Variants in ADGRL2 observed in about 807,000 individuals in gnomAD.
ADGRL2 encodes calcium-independent alpha-latrotoxin receptor 2.
Under a neutral mutation model 157.4 loss-of-function variants are expected in ADGRL2, and 44 were observed. The observed-to-expected ratio is 0.28, with a 90% confidence interval of 0.22 to 0.36. The LOEUF (loss-of-function observed/expected upper bound fraction) is 0.36, where lower values mean the gene tolerates loss of function less well. Ranked by LOEUF, ADGRL2 falls within the 10% of genes least tolerant of loss-of-function variation. The probability of loss-of-function intolerance (pLI) is 1.00; values close to 1 mark genes in which losing one functional copy is unlikely to be tolerated. For missense variants in ADGRL2, 1,510 were observed against 1,768.9 expected, an observed-to-expected ratio of 0.85 and a Z score of 2.63; for synonymous variants, 585 against 624.7, an observed-to-expected ratio of 0.94 and a Z score of 0.95.
At chr1:81,502,417 G>A in intron 2 of ADGRL2, 1 of 1,614,088 alleles carries the variant, frequency 6.2e-7, no homozygotes, top group Non-Finnish European at 8.5e-7. Flanking sequence ...TGTATGAACT[G>A]GACGGTGATC....
chr1:81,851,760 G>GTA (rs1221334735), intron 2 of ADGRL2, among the ~76,000 whole-genome samples: 1 of 151,096 alleles, frequency 6.6e-6, no homozygotes, highest in Non-Finnish European at 1.5e-5. Context: ...GTGTGTGTGT[G>GTA]TGTATGTGTA....
exon 2 of ADGRL2, chr1:81,761,827 T>C (rs1050827640): frequency 5.3e-5 from 8 of 152,170 alleles, no homozygotes; most frequent in Non-Finnish European, 7.4e-5. Flanking sequence ...TATGGCACAA[T>C]GAAAAATTTC....
intron 3 of ADGRL2, among the ~76,000 whole-genome samples, chr1:81,909,296 T>C (rs2094656737): frequency 6.6e-6 from 1 of 152,170 alleles, no homozygotes; most frequent in African/African-American, 2.4e-5. Flanking sequence ...TCATCATATA[T>C]CTCTTTCTCA....
intron 2 of ADGRL2, among the ~76,000 whole-genome samples, chr1:81,559,174 C>T (rs2080383106): frequency 6.6e-6 from 1 of 152,090 alleles, no homozygotes; most frequent in African/African-American, 2.4e-5. Flanking sequence ...TCACCATTAG[C>T]CTCTCTGAAC....
At chr1:81,742,651 A>AT (rs200609991) in intron 1 of ADGRL2, among the ~76,000 whole-genome samples, 1,848 of 152,070 alleles carry the variant, frequency 0.012, 13 homozygotes, top group Non-Finnish European at 0.018. Context: ...GAAAAGAGAC[A>AT]TTTTTCCTGT....
At chr1:81,871,199 C>T (rs1378419058) in intron 2 of ADGRL2, among the ~76,000 whole-genome samples, 1 of 150,978 alleles carries the variant, frequency 6.6e-6, no homozygotes, top group African/African-American at 2.4e-5. Context: ...GTTTTCTGTC[C>T]TTGTGACAGT....
chr1:81,718,961 A>C (rs928980428), intron 1 of ADGRL2, among the ~76,000 whole-genome samples: 1 of 152,218 alleles, frequency 6.6e-6, no homozygotes, highest in Non-Finnish European at 1.5e-5. Flanking sequence ...AGAGCATTTG[A>C]ATTTTTGTGA....
At position 81,952,014 on chromosome 1, in the gene ADGRL2, G is replaced by C; in HGVS notation, c.1666G>C (p.Gly556Arg). ...LANELAKHTK[G>R]PVFAGDVSSS... is the part of the protein sequence containing the mutation. ...CAATGAACTGGCTAAACATACCAAA[G>C]GGCCAGTGTTTGCTGGGGATGTAAG... Residue 556 changes from glycine (G) to arginine (R), a missense_variant, in exon 9 of 24, where the codon GGG (glycine) becomes CGG (arginine). By Grantham distance (125) the Gly-to-Arg change is moderately radical (BLOSUM62 -2). This residue lies in a region of ADGRL2 where 325 missense variants were observed against 333.2 expected (regional missense o/e 0.98). Transcript: ENST00000686636. 2 of 1,613,670 alleles carry C rather than the reference G, an allele frequency of 1.2e-6. No individual in the cohort carries two copies. The highest frequency in any genetic ancestry group is 2.2e-5 in the South Asian group (2 of 91,064).
intron 3 of ADGRL2, among the ~76,000 whole-genome samples, chr1:81,657,211 A>T (rs553267590): frequency 6.6e-6 from 1 of 152,060 alleles, no homozygotes; most frequent in Non-Finnish European, 1.5e-5. Context: ...GGGGCTTTGG[A>T]GAGTCAATTA....
In ADGRL2 at chr1:81,952,046, A is replaced by G. The variant is rs1651998469; in HGVS notation, c.1698A>G (p.Ser566=). ...TGTTTGCTGGGGATGTAAGTTCTTCAGTGAGATTGATGGAGCAGTTGGTGG... is the reference window on the plus strand; with the variant it reads ...TGTTTGCTGGGGATGTAAGTTCTTCGGTGAGATTGATGGAGCAGTTGGTGG... ...GPVFAGDVSS[S]VRLMEQLVDI... The change falls in exon 9 of 24, where the codon TCA becomes TCG. Residue 566 remains serine, a synonymous_variant. Coordinates refer to ENST00000686636, the MANE Select transcript of ADGRL2 (RefSeq NM_001366006.2). 3 of 1,613,770 alleles carry G rather than the reference A, an allele frequency of 1.9e-6. No individual in the cohort carries two copies. Among genetic ancestry groups the G allele is most frequent in the Non-Finnish European group, 2.5e-6 (3 of 1,179,716 alleles).
chr1:81,378,280 G>A (rs1012235336), intron 1 of ADGRL2, among the ~76,000 whole-genome samples: 1 of 152,172 alleles, frequency 6.6e-6, no homozygotes. Flanking sequence ...ACCAGGCGTG[G>A]TAGCTCGTGC....
chr1:81,714,165 G>C (rs549848137), intron 1 of ADGRL2, among the ~76,000 whole-genome samples: 2 of 152,190 alleles, frequency 1.3e-5, no homozygotes, highest in African/African-American at 4.8e-5. Context: ...GGGGATTATG[G>C]GAGCTACAAT....
At chr1:81,437,102 G>A (rs1441894363) in intron 1 of ADGRL2, among the ~76,000 whole-genome samples, 2 of 152,108 alleles carry the variant, frequency 1.3e-5, no homozygotes, top group African/African-American at 4.8e-5. Flanking sequence ...ATCCAACCAA[G>A]GCAAAAGTCT....
At chr1:81,982,555 G>T (rs1384821491) in intron 19 of ADGRL2, among the ~76,000 whole-genome samples, 2 of 151,878 alleles carry the variant, frequency 1.3e-5, no homozygotes, top group Non-Finnish European at 2.9e-5. Context: ...AATTGCTTAG[G>T]TGCTATTTAA....
intron 1 of ADGRL2, among the ~76,000 whole-genome samples, chr1:81,357,787 C>A (rs1374251177): frequency 1.3e-5 from 2 of 152,116 alleles, no homozygotes; most frequent in Non-Finnish European, 2.9e-5. Flanking sequence ...TGTATATAAA[C>A]CCAGGTCTCC....
At chr1:81,629,695 GTGTA>G (rs1301368680) in intron 3 of ADGRL2, among the ~76,000 whole-genome samples, 64 of 144,770 alleles carry the variant, frequency 4.4e-4, no homozygotes, top group African/African-American at 1.5e-3. Flanking sequence ...GTGTGTGTGT[GTGTA>G]TGTAGATATA....
intron 2 of ADGRL2, among the ~76,000 whole-genome samples, chr1:81,780,375 A>G (rs944624605): frequency 2.0e-5 from 3 of 152,170 alleles, no homozygotes; most frequent in African/African-American, 7.2e-5. Flanking sequence ...CAAGCCATGT[A>G]CTAGCTGGGA....
intron 2 of ADGRL2, among the ~76,000 whole-genome samples, chr1:81,466,068 GA>G (rs2078045716): frequency 6.6e-6 from 1 of 152,202 alleles, no homozygotes; most frequent in Non-Finnish European, 1.5e-5. Flanking sequence ...TAATGTGTCA[GA>G]GAAGTATTGT....
At chr1:81,565,888 G>A (rs535924705) in intron 2 of ADGRL2, among the ~76,000 whole-genome samples, 1 of 152,140 alleles carries the variant, frequency 6.6e-6, no homozygotes, top group African/African-American at 2.4e-5. Context: ...AGAAGTAGAT[G>A]ACTCAAACTT....
Sources: allele counts gnomAD v4.1 joint callset (sites outside exome capture counted in the v4.1 genomes callset), GRCh38; gene constraint gnomAD v4.1.1; regional missense constraint gnomAD v4.1.1; transcripts MANE v1.5; gene names NCBI Gene and HGNC (gene_info 2026-07-23, HGNC 2026-07-21).